CDH17: variants seen among roughly 807,000 people sequenced by gnomAD.
CDH17 encodes the protein cadherin-17.
CDH17 carries 67 observed loss-of-function variants against 86.3 expected under a neutral mutation model. That is an observed-to-expected ratio of 0.78 (90% CI 0.64 to 0.95). The LOEUF is 0.95. CDH17 is among the 40% of genes least tolerant of loss of function. The pLI, the probability that CDH17 is intolerant of heterozygous loss-of-function variation, is 0.00. For synonymous variants in CDH17, 367 were observed against 366.4 expected, an observed-to-expected ratio of 1.00 and a Z score of -0.02; for missense variants, 993 against 1,017.6, an observed-to-expected ratio of 0.98 and a Z score of 0.33.
chr8:94,181,765 A>G (rs1412112614), intron 3 of CDH17, among the ~76,000 whole-genome samples: 1 of 151,870 alleles, frequency 6.6e-6, no homozygotes, highest in Non-Finnish European at 1.5e-5. Flanking sequence ...TAGCAAAGCA[A>G]GCAGAAGAAA....
At chr8:94,156,996 G>A (rs1488329147) in intron 12 of CDH17, among the ~76,000 whole-genome samples, 3 of 152,174 alleles carry the variant, frequency 2.0e-5, no homozygotes, top group African/African-American at 7.2e-5. Context: ...CTGAGAGGAG[G>A]TGGAGGCCTG....
chr8:94,199,070 TA>T lies in CDH17; in HGVS notation c.-20-4366del, dbSNP rs1563589497. 7.0e-3 allele frequency among the ~76,000 whole-genome samples: 118 copies of T among 16,930 alleles called. 3 individuals carry two copies. Among genetic ancestry groups the T allele is most frequent in the Middle Eastern group, 0.056 (1 of 18 alleles). The allele number at this position is 16,930 out of a possible 152,430, so 11.1% of individuals were successfully genotyped here. The stretch of plus-strand genomic sequence containing the variant: ...ATATATATATATATATATATATATA[TA>T]TATATATATATATTTTTTTTTTTTT... On this transcript the variant is annotated intron_variant, in intron 1 of 17. Transcript: ENST00000027335.
intron 12 of CDH17, among the ~76,000 whole-genome samples, chr8:94,157,872 C>G (rs1050652993): frequency 6.6e-6 from 1 of 152,114 alleles, no homozygotes; most frequent in African/African-American, 2.4e-5. Context: ...GCTATGACTG[C>G]GGCACTGCAT....
intron 1 of CDH17, among the ~76,000 whole-genome samples, chr8:94,208,149 T>C (rs1231289454): frequency 6.6e-6 from 1 of 152,206 alleles, no homozygotes; most frequent in Non-Finnish European, 1.5e-5. Flanking sequence ...CAGGGACTTT[T>C]ATATACTCAT....
At chr8:94,148,609 ATCCT>A (rs1812793488) in intron 14 of CDH17, 131 bp downstream of exon 14, 2 of 574,080 alleles carry the variant, frequency 3.5e-6, no homozygotes, top group South Asian at 5.7e-5. Context: ...TACCCTTCTC[ATCCT>A]TCCACTTTAA....
intron 4 of CDH17, among the ~76,000 whole-genome samples, 160 bp downstream of exon 4, chr8:94,177,427 T>C (rs141268750): frequency 2.6e-5 from 4 of 152,228 alleles, no homozygotes; most frequent in Non-Finnish European, 5.9e-5. Context: ...CCCTCTGTAG[T>C]TGGTAAGAAA....
At chr8:94,128,404 A>ATAAAG (rs1226792490) in intron 17 of CDH17, 64 bp from the exon 18 acceptor site, 11 of 997,232 alleles carry the variant, frequency 1.1e-5, no homozygotes, top group Non-Finnish European at 1.4e-5. Flanking sequence ...ACATTCAGTT[A>ATAAAG]TAAAGTAGTA....
intron 1 of CDH17, among the ~76,000 whole-genome samples, chr8:94,196,883 G>A (rs937304938): frequency 2.0e-5 from 3 of 152,094 alleles, no homozygotes; most frequent in Non-Finnish European, 4.4e-5. Context: ...CAGACTATAT[G>A]GTGCTAGCCA....
intron 15 of CDH17, 142 bp from the exon 16 acceptor site, chr8:94,131,134 T>A: frequency 1.6e-6 from 1 of 615,494 alleles, no homozygotes; most frequent in Admixed American, 2.8e-5. Flanking sequence ...ATCCACATCA[T>A]TCCACATGTA....
At chr8:94,138,237 GGCCCACCTA>G (rs1444823809) in intron 15 of CDH17, among the ~76,000 whole-genome samples, 1 of 151,624 alleles carries the variant, frequency 6.6e-6, no homozygotes, top group Non-Finnish European at 1.5e-5. Flanking sequence ...AAATTATTAT[GGCCCACCTA>G]GATAAGATAT....
Position 94,177,727 on chromosome 8 carries a change from G to T in CDH17, c.151-6C>A, listed in dbSNP as rs138007982. The T allele has an allele frequency of 1.3e-3, 2,077 of 1,605,220 alleles. 21 individuals carry two copies. The East Asian group carries it at 0.017, about 13-fold the overall frequency. On this transcript the variant is annotated splice_region_variant and splice_polypyrimidine_tract_variant and intron_variant, in intron 3 of 17. Transcript: ENST00000027335. ...GCAGGAGGATTGGCCTTAAACTGGG[G>T]AAAAAGCAAAAAACAGATTAAGTTG...
At chr8:94,173,689 G>GA (rs1813311566) in intron 7 of CDH17, 108 bp downstream of exon 7, 1 of 844,972 alleles carries the variant, frequency 1.2e-6, no homozygotes, top group African/African-American at 1.7e-5. Context: ...ATCATGCTAT[G>GA]AAAAAGGTAT....
chr8:94,199,252 C>G (rs1314755337), intron 1 of CDH17, among the ~76,000 whole-genome samples: 1 of 151,698 alleles, frequency 6.6e-6, no homozygotes, highest in Admixed American at 6.6e-5. Context: ...GATTACCTAA[C>G]ATGGATATCT....
At position 94,199,949 on chromosome 8, in the gene CDH17, C is replaced by G. The variant is rs111744793; in HGVS notation, c.-20-5244G>C. ...GGCCAAAAATTCATTTTGCCACTCA[C>G]GTTTGCTTAGTCAAAACTGTAAACA... On this transcript the variant is annotated intron_variant, in intron 1 of 17. Coordinates refer to ENST00000027335, the MANE Select transcript of CDH17 (RefSeq NM_004063.4). Among the ~76,000 whole-genome samples, 1,060 of 152,326 alleles carry G rather than the reference C, an allele frequency of 7.0e-3. 10 individuals are homozygous for G. The highest frequency in any genetic ancestry group is 9.3e-3 in the Non-Finnish European group (630 of 68,030).
chr8:94,216,579 T>TTTA (rs373453736), intron 1 of CDH17, among the ~76,000 whole-genome samples: 2 of 150,662 alleles, frequency 1.3e-5, no homozygotes, highest in African/African-American at 4.9e-5. Flanking sequence ...TTTTTTTTTT[T>TTTA]AATTCTCAGA....
At chr8:94,200,532 CTTTTGTTTTTTTTT>C (rs1222136791) in intron 1 of CDH17, among the ~76,000 whole-genome samples, 12 of 50,236 alleles carry the variant, frequency 2.4e-4, no homozygotes, top group South Asian at 7.1e-4. Flanking sequence ...TTATTATTAT[CTTTTGTTTTTTTTT>C]TTTTTTTTTT....
chr8:94,160,655 T>G (rs1276252826), intron 11 of CDH17, among the ~76,000 whole-genome samples: 2 of 152,218 alleles, frequency 1.3e-5, no homozygotes, highest in East Asian at 1.9e-4. Flanking sequence ...CTTCACTTCT[T>G]TAAGTGTCAG....
At position 94,151,877 on chromosome 8, in the gene CDH17, A is replaced by G; in HGVS notation, c.1787T>C (p.Leu596Pro). ...CACTGTTGCCCTTTACCTTATGTCC[A>G]GACCTTCTGGATCCTTGGCAGTCAC... ...GNVTAKDPEG[L>P]DISYSLRGDT... The change falls in exon 13 of 18, where the codon CTG becomes CCG. Residue 596 changes from leucine (L) to proline (P), a missense_variant. Physicochemically the swap from Leu to Pro is moderately conservative, Grantham distance 98. Transcript: ENST00000027335. 1 of 1,614,176 alleles carries G rather than the reference A, an allele frequency of 6.2e-7. No individual in the cohort carries two copies. Among genetic ancestry groups the G allele is most frequent in the Non-Finnish European group, 8.5e-7 (1 of 1,180,014 alleles).
At chr8:94,176,997 A>G (rs1040585085) in intron 4 of CDH17, among the ~76,000 whole-genome samples, 2 of 152,218 alleles carry the variant, frequency 1.3e-5, no homozygotes, top group African/African-American at 4.8e-5. Context: ...TTCCAGAGCC[A>G]TTATGGCGGT....
Sources: gnomAD v4.1 joint callset for allele counts (sites outside exome capture counted in the v4.1 genomes callset) on GRCh38, gnomAD v4.1.1 for gene constraint, MANE v1.5 for transcripts, NCBI Gene and HGNC (gene_info 2026-07-23, HGNC 2026-07-21) for gene names.